Variants in SGPP1 observed in about 807,000 individuals in gnomAD.
The protein encoded by SGPP1 is hSPP1.
Under a neutral mutation model 33.0 loss-of-function variants are expected in SGPP1, and 21 were observed. The ratio of observed to expected loss-of-function variants is 0.64; its 90% CI spans 0.45 to 0.92. SGPP1 has a LOEUF of 0.92. SGPP1 is among the 40% of genes least tolerant of loss of function. The probability of loss-of-function intolerance (pLI) is 0.00; values close to 1 mark genes in which losing one functional copy is unlikely to be tolerated. For missense variants in SGPP1, 543 were observed against 589.4 expected (o/e 0.92, Z 0.81); for synonymous variants, 239 against 241.2 (o/e 0.99, Z 0.08).
At position 63,702,279 on chromosome 14, in the gene SGPP1, G is replaced by C. The variant is rs115013168; in HGVS notation, c.685-3621C>G. ...AAGCTATGAGGCTTTCCTTTTCTCTGCTCCATGGCACCTTCAGATTTCACT... is the reference window on the plus strand; with the variant it reads ...AAGCTATGAGGCTTTCCTTTTCTCTCCTCCATGGCACCTTCAGATTTCACT... On this transcript the variant is annotated intron_variant, in intron 1 of 2. Coordinates refer to ENST00000247225, the MANE Select transcript of SGPP1 (RefSeq NM_030791.4). 5.8e-3 allele frequency among the ~76,000 whole-genome samples: 880 copies of C among 152,272 alleles called. 6 individuals carry two copies. Among genetic ancestry groups the C allele is most frequent in the African/African-American group, 0.02 (846 of 41,548 alleles).
intron 1 of SGPP1, among the ~76,000 whole-genome samples, chr14:63,718,023 A>G (rs917517174): frequency 2.0e-5 from 3 of 152,170 alleles, no homozygotes; most frequent in Non-Finnish European, 2.9e-5. Context: ...AGGCAGGCAG[A>G]TTACTTGAGG....
intron 2 of SGPP1, among the ~76,000 whole-genome samples, chr14:63,697,070 G>T (rs1341313812): frequency 6.6e-6 from 1 of 152,054 alleles, no homozygotes; most frequent in Non-Finnish European, 1.5e-5. Flanking sequence ...CTTCCTGTTG[G>T]GTACTATGTT....
chr14:63,697,028 A>C (rs1885200130), intron 2 of SGPP1, among the ~76,000 whole-genome samples: 1 of 152,104 alleles, frequency 6.6e-6, no homozygotes, highest in South Asian at 2.1e-4. Flanking sequence ...AAAAGGAGAG[A>C]GGGAGAGCGG....
At chr14:63,692,662 G>A (rs1405600430) in intron 2 of SGPP1, among the ~76,000 whole-genome samples, 1 of 151,958 alleles carries the variant, frequency 6.6e-6, no homozygotes, top group East Asian at 1.9e-4. Flanking sequence ...ATGTTGCTCA[G>A]GCTGGTCTTG....
intron 1 of SGPP1, among the ~76,000 whole-genome samples, chr14:63,717,556 T>G (rs1358719029): frequency 6.6e-6 from 1 of 151,926 alleles, no homozygotes; most frequent in Admixed American, 6.6e-5. Flanking sequence ...TCTCCTGACC[T>G]CGTGATCCGC....
intron 2 of SGPP1, among the ~76,000 whole-genome samples, chr14:63,695,965 TA>T (rs1360193429): frequency 6.6e-6 from 1 of 151,476 alleles, no homozygotes; most frequent in Non-Finnish European, 1.5e-5. Context: ...GATATTTGAC[TA>T]ACCCAACTAA....
intron 2 of SGPP1, among the ~76,000 whole-genome samples, chr14:63,692,961 G>C (rs1885116207): frequency 2.0e-5 from 3 of 152,078 alleles, no homozygotes. Context: ...TTTGAGAGAG[G>C]ATCTCACTGT....
At chr14:63,716,698 C>A (rs1885634750) in intron 1 of SGPP1, among the ~76,000 whole-genome samples, 1 of 142,850 alleles carries the variant, frequency 7.0e-6, no homozygotes, top group East Asian at 2.0e-4. Context: ...CCCAATAATA[C>A]TTTTTTTTTT....
In SGPP1 at chr14:63,728,055, T is replaced by C. The variant is rs1205819084; in HGVS notation, c.-111A>G. 5 of 1,154,760 alleles carry C rather than the reference T, an allele frequency of 4.3e-6. No individual in the cohort carries two copies. Among genetic ancestry groups the C allele is most frequent in the South Asian group, 6.8e-5 (2 of 29,518 alleles). 71.5% of individuals were successfully genotyped at this position (1,154,760 alleles called of 1,614,324 possible). A position where few individuals can be genotyped will look rare whatever the true frequency, so the allele number is the denominator to read the frequency against. ...GCACAGCGCTCTACCCTCCGGAGTC[T>C]GCCGGGTGACGGCGCCACAGGCCGC... On this transcript the variant is annotated 5_prime_UTR_variant, in exon 1 of 3. Transcript: ENST00000247225.
intron 1 of SGPP1, among the ~76,000 whole-genome samples, chr14:63,701,909 T>A (rs1341533427): frequency 7.8e-6 from 1 of 127,564 alleles, no homozygotes; most frequent in African/African-American, 3.2e-5. Context: ...TTTAAAAAGC[T>A]GTTGACAGCA....
At chr14:63,703,629 G>GC (rs1276735237) in intron 1 of SGPP1, among the ~76,000 whole-genome samples, 3 of 132,626 alleles carry the variant, frequency 2.3e-5, no homozygotes, top group Admixed American at 8.5e-5. Context: ...CTCCAGCCTG[G>GC]CAACGGAGCA....
chr14:63,688,369 T>C (rs1360805075), intron 2 of SGPP1, among the ~76,000 whole-genome samples: 1 of 147,368 alleles, frequency 6.8e-6, no homozygotes, highest in Non-Finnish European at 1.5e-5. Context: ...CAACTGTAAC[T>C]TGATGATGGA....
intron 2 of SGPP1, among the ~76,000 whole-genome samples, chr14:63,695,993 A>G (rs1028139283): frequency 4.6e-5 from 7 of 152,150 alleles, no homozygotes; most frequent in African/African-American, 1.7e-4. Flanking sequence ...CATTTTTAAA[A>G]AAGAACAGTA....
At chr14:63,687,344 G>A (rs1235660461) in intron 2 of SGPP1, among the ~76,000 whole-genome samples, 1 of 152,188 alleles carries the variant, frequency 6.6e-6, no homozygotes, top group Non-Finnish European at 1.5e-5. Context: ...GGGGATGGAG[G>A]CATGAGAATC....
At position 63,727,619 on chromosome 14, in the gene SGPP1, C is replaced by T. The variant is rs1247863268; in HGVS notation, c.326G>A (p.Arg109His). The change falls in exon 1 of 3, where the codon CGC (arginine) becomes CAC (histidine). Residue 109 changes from arginine to histidine, a missense_variant. Coordinates refer to ENST00000247225, the MANE Select transcript of SGPP1 (RefSeq NM_030791.4). ...CTCCTCGCCCGTCAGCGAGTTGCGG[C>T]GCAGAGCGCCCGCGCGCCGCGGCGA... is the stretch of plus-strand genomic sequence containing the variant. ...PASPRRAGALRRNSLTGEEGQ... is the reference protein window; with the variant it reads ...PASPRRAGALHRNSLTGEEGQ... 2.7e-6 allele frequency: 4 copies of T among 1,470,458 alleles called. No homozygotes were observed. Among genetic ancestry groups the T allele is most frequent in the Non-Finnish European group, 3.6e-6 (4 of 1,119,620 alleles). 91.1% of individuals were successfully genotyped at this position (1,470,458 alleles called of 1,614,324 possible).
intron 1 of SGPP1, among the ~76,000 whole-genome samples, chr14:63,708,632 CA>C (rs1337995107): frequency 2.0e-5 from 3 of 152,064 alleles, no homozygotes; most frequent in Non-Finnish European, 4.4e-5. Context: ...TCTAGGCAGA[CA>C]TTAGGAGAAA....
rs541086438 is a variant in SGPP1, at chr14:63,706,819, G to C, written c.685-8161C>G. Among the ~76,000 whole-genome samples the C allele has an allele frequency of 1.6e-4, 25 of 152,200 alleles. No individual in the cohort carries two copies. In the South Asian group the frequency reaches 5.2e-3, roughly 32 times the overall value. On this transcript the variant is annotated intron_variant, in intron 1 of 2. Coordinates refer to ENST00000247225, the MANE Select transcript of SGPP1 (RefSeq NM_030791.4). ...GCACTTTGGGAGGATGAGATGGGTG[G>C]ATCACCTCAGGTCAGGAGTTTGAGA...
At chr14:63,706,905 T>C (rs969316580) in intron 1 of SGPP1, among the ~76,000 whole-genome samples, 1 of 151,998 alleles carries the variant, frequency 6.6e-6, no homozygotes, top group African/African-American at 2.4e-5. Flanking sequence ...TAGCTGGGCC[T>C]GGTAGCATGC....
chr14:63,712,199 A>G (rs577909558), intron 1 of SGPP1, among the ~76,000 whole-genome samples: 49 of 152,136 alleles, frequency 3.2e-4, no homozygotes, highest in African/African-American at 1.2e-3. Flanking sequence ...TCTTTTTTTA[A>G]TTTATTTTCT....
Sources: gnomAD v4.1 joint callset for allele counts (sites outside exome capture counted in the v4.1 genomes callset) on GRCh38, gnomAD v4.1.1 for gene constraint, MANE v1.5 for transcripts, NCBI Gene and HGNC (gene_info 2026-07-23, HGNC 2026-07-21) for gene names.